The following PPP1R13B variants were observed in gnomAD, a reference collection of about 807,000 sequenced individuals.
PPP1R13B encodes apoptosis-stimulating of p53 protein 1.
A neutral mutation model predicts 119.8 loss-of-function variants in PPP1R13B; 44 were observed. That is an observed-to-expected ratio of 0.37 (90% CI 0.29 to 0.47). PPP1R13B has a LOEUF of 0.47. PPP1R13B is among the 20% of genes least tolerant of loss of function. PPP1R13B has a pLI of 0.99. For missense variants in PPP1R13B, 1,227 were observed against 1,413.5 expected (o/e 0.87, Z 2.12); for synonymous variants, 542 against 561.5 (o/e 0.97, Z 0.49).
chr14:103,751,783 T>C (rs2084555126), intron 7 of PPP1R13B, among the ~76,000 whole-genome samples: 1 of 152,164 alleles, frequency 6.6e-6, no homozygotes, highest in African/African-American at 2.4e-5. Flanking sequence ...ATCTTGGACT[T>C]CCAGCCTCCA....
intron 15 of PPP1R13B, chr14:103,736,759 T>G (rs2084124260): frequency 6.4e-6 from 1 of 155,434 alleles, no homozygotes; most frequent in Non-Finnish European, 1.4e-5. Flanking sequence ...CTGCTGTGCC[T>G]CCCCTAGCCC....
chr14:103,739,415 G>A (rs1393291148), intron 12 of PPP1R13B: 2 of 310,388 alleles, frequency 6.4e-6, no homozygotes, highest in Non-Finnish European at 1.2e-5. Context: ...TCCTAGTGGA[G>A]AGAATCCCAC....
At chr14:103,805,444 G>A (rs1397512154) in intron 1 of PPP1R13B, among the ~76,000 whole-genome samples, 7 of 151,972 alleles carry the variant, frequency 4.6e-5, no homozygotes, top group South Asian at 4.2e-4. Context: ...GGTGGCACAC[G>A]TCTATAGTCC....
At chr14:103,840,530 TG>T (rs1390290029) in intron 1 of PPP1R13B, among the ~76,000 whole-genome samples, 3 of 152,204 alleles carry the variant, frequency 2.0e-5, no homozygotes, top group Non-Finnish European at 4.4e-5. Flanking sequence ...GGCTCACGCC[TG>T]TAATTCCAGC....
chr14:103,778,569 A>C (rs1567116247), intron 4 of PPP1R13B, 176 bp downstream of exon 4: 1 of 589,882 alleles, frequency 1.7e-6, no homozygotes, highest in Non-Finnish European at 3.0e-6. Context: ...TCATCTGATT[A>C]ATTTTTTAAA....
rs1333561678 is a variant in PPP1R13B, at chr14:103,734,817, A to G, written c.*337T>C. ...GGAGGGGGTGATGGCCTCGGGGCCA[A>G]GTCAGTAAGAGCTTCTGTCTTCACT... On this transcript the variant is annotated 3_prime_UTR_variant, in exon 17 of 17. Coordinates refer to ENST00000202556, the MANE Select transcript of PPP1R13B (RefSeq NM_015316.3). 1 of 463,318 alleles carries G rather than the reference A, an allele frequency of 2.2e-6. No individual in the cohort carries two copies. The allele number at this position is 463,318 out of a possible 1,614,324, so 28.7% of individuals were successfully genotyped here. A position where few individuals can be genotyped will look rare whatever the true frequency, so the allele number is the denominator to read the frequency against.
At chr14:103,834,724 G>A (rs1183379383) in intron 1 of PPP1R13B, among the ~76,000 whole-genome samples, 1 of 151,032 alleles carries the variant, frequency 6.6e-6, no homozygotes, top group African/African-American at 2.4e-5. Flanking sequence ...CTGAGTAACT[G>A]GGATTACAGG....
chr14:103,843,608 C>A (rs1456392039), intron 1 of PPP1R13B, among the ~76,000 whole-genome samples: 1 of 152,018 alleles, frequency 6.6e-6, no homozygotes, highest in Non-Finnish European at 1.5e-5. Context: ...ATAACAACAA[C>A]AAAAAAATAC....
intron 3 of PPP1R13B, among the ~76,000 whole-genome samples, chr14:103,782,997 G>T (rs1004986435): frequency 6.6e-6 from 1 of 151,842 alleles, no homozygotes; most frequent in Non-Finnish European, 1.5e-5. Flanking sequence ...TAGAGACGGG[G>T]GTTTCACCAT....
At chr14:103,841,078 G>A (rs572405137) in intron 1 of PPP1R13B, among the ~76,000 whole-genome samples, 7 of 152,232 alleles carry the variant, frequency 4.6e-5, no homozygotes, top group Admixed American at 2.0e-4. Context: ...CTGAGGTCGG[G>A]AGTTCAAGAC....
At chr14:103,818,200 A>C (rs765058562) in intron 1 of PPP1R13B, among the ~76,000 whole-genome samples, 1 of 152,216 alleles carries the variant, frequency 6.6e-6, no homozygotes, top group Non-Finnish European at 1.5e-5. Flanking sequence ...ATTAAAAATG[A>C]AAACTTTAAC....
chr14:103,848,464 C>A, upstream of PPP1R13B: 3 of 985,462 alleles, frequency 3.0e-6, no homozygotes, highest in Non-Finnish European at 3.6e-6. Flanking sequence ...GGGGTAGGCA[C>A]CCGCTCGGGG....
At chr14:103,826,996 A>G (rs1395859228) in intron 1 of PPP1R13B, among the ~76,000 whole-genome samples, 2 of 149,818 alleles carry the variant, frequency 1.3e-5, no homozygotes, top group Admixed American at 6.7e-5. Flanking sequence ...TGGGTGACAG[A>G]GCGAAACTCC....
At chr14:103,757,621 AT>A in intron 5 of PPP1R13B, 28 bp downstream of exon 5, 4 of 1,598,366 alleles carry the variant, frequency 2.5e-6, no homozygotes, top group Non-Finnish European at 3.4e-6. Context: ...TTTTTGAACA[AT>A]GTTTCAATAC....
intron 5 of PPP1R13B, among the ~76,000 whole-genome samples, chr14:103,756,233 G>T (rs2084675854): frequency 6.6e-6 from 1 of 152,116 alleles, no homozygotes; most frequent in Non-Finnish European, 1.5e-5. Context: ...GGGATTACAG[G>T]CGTTAGCCAC....
chr14:103,778,511 C>T, intron 4 of PPP1R13B: 3 of 434,900 alleles, frequency 6.9e-6, no homozygotes, highest in Non-Finnish European at 1.2e-5. Flanking sequence ...CTGTGCGCCT[C>T]AGTCTCCCAA....
intron 1 of PPP1R13B, among the ~76,000 whole-genome samples, chr14:103,823,926 T>G (rs770245056): frequency 4.0e-5 from 6 of 151,890 alleles, no homozygotes; most frequent in Non-Finnish European, 7.4e-5. Context: ...TTCAAACCCT[T>G]TCTACACCAC....
At chr14:103,836,980 T>C (rs962161794) in intron 1 of PPP1R13B, among the ~76,000 whole-genome samples, 1 of 152,214 alleles carries the variant, frequency 6.6e-6, no homozygotes, top group Admixed American at 6.5e-5. Flanking sequence ...TTACTGATAC[T>C]ATTTTCAAGA....
intron 15 of PPP1R13B, chr14:103,736,553 T>A (rs2084118602): frequency 3.2e-6 from 1 of 310,218 alleles, no homozygotes; most frequent in Non-Finnish European, 6.1e-6. Flanking sequence ...GTGACTGCTC[T>A]TGGATGGTAA....
Sources: allele counts gnomAD v4.1 joint callset (sites outside exome capture counted in the v4.1 genomes callset), GRCh38; gene constraint gnomAD v4.1.1; transcripts MANE v1.5; gene names NCBI Gene and HGNC (gene_info 2026-07-23, HGNC 2026-07-21).